Variants in ZNF184 observed in about 807,000 individuals in gnomAD.
The protein encoded by ZNF184 is zinc finger protein 184 (Kruppel-like).
ZNF184 carries 16 observed loss-of-function variants against 54.4 expected under a neutral mutation model. That is an observed-to-expected ratio of 0.29 (90% confidence interval 0.20 to 0.45). The LOEUF is 0.45. ZNF184 is among the 20% of genes least tolerant of loss of function. ZNF184 has a pLI of 1.00. For synonymous variants in ZNF184, 254 were observed against 295.3 expected, an observed-to-expected ratio of 0.86 and a Z score of 1.43; for missense variants, 681 against 888.2, an observed-to-expected ratio of 0.77 and a Z score of 2.97.
the ZNF184 span, among the ~76,000 whole-genome samples, chr6:27,445,633 T>C: frequency 6.6e-6 from 1 of 150,910 alleles, no homozygotes; most frequent in Non-Finnish European, 1.5e-5. Context: ...GTTGGTGCCA[T>C]GCATTTTGAC....
At chr6:27,441,894 C>G in the ZNF184 span, among the ~76,000 whole-genome samples, 1 of 152,172 alleles carries the variant, frequency 6.6e-6, no homozygotes, top group Non-Finnish European at 1.5e-5. Context: ...ACATTGCATT[C>G]TCTTTTCGTA....
intron 2 of ZNF184, among the ~76,000 whole-genome samples, chr6:27,469,646 CA>C (rs11352340): frequency 0.66 from 97,026 of 148,060 alleles, 31,631 homozygotes; most frequent in Middle Eastern, 0.76. Context: ...GTCTCAAAAA[CA>C]AAAAAAAAAA....
At chr6:27,422,162 AAG>A in the ZNF184 span, among the ~76,000 whole-genome samples, 2 of 37,502 alleles carry the variant, frequency 5.3e-5, no homozygotes, top group African/African-American at 7.8e-5. Flanking sequence ...GAAAGAAAGA[AAG>A]AAAGAAAGAA....
intron 3 of ZNF184, among the ~76,000 whole-genome samples, chr6:27,465,868 G>GAAC (rs34150378): frequency 0.65 from 98,822 of 151,654 alleles, 32,479 homozygotes; most frequent in Middle Eastern, 0.76. Flanking sequence ...TAAAAGACTT[G>GAAC]AACACTATCA....
rs201499940 is a variant in ZNF184 at position 27,451,392 on chromosome 6, C to T, written c.2167G>A (p.Glu723Lys). Residue 723 changes from glutamate to lysine, a missense_variant, in exon 6 of 6, where the codon GAG becomes AAG. Transcript: ENST00000683788. ...LIQHQRIHSGEKPFGCNDCGK... is the reference protein window; with the variant it reads ...LIQHQRIHSGKKPFGCNDCGK... ...CAATCATTACATCCAAAAGGCTTCT[C>T]TCCTGAATGAATTCTCTGGTGCTGA... 36 of 1,614,024 alleles carry T rather than the reference C, an allele frequency of 2.2e-5. No individual in the cohort carries two copies. The highest frequency in any genetic ancestry group is 1.6e-4 in the Middle Eastern group (1 of 6,080).
the ZNF184 span, among the ~76,000 whole-genome samples, chr6:27,409,448 G>A: frequency 7.2e-6 from 1 of 139,326 alleles, no homozygotes; most frequent in East Asian, 2.2e-4. Context: ...GCAGTGAGCC[G>A]AGATCGCACC....
intron 3 of ZNF184, among the ~76,000 whole-genome samples, chr6:27,458,295 TAAAAAAAA>T (rs55966783): frequency 3.2e-5 from 2 of 62,366 alleles, no homozygotes; most frequent in Non-Finnish European, 5.9e-5. Flanking sequence ...TTCTGCACAG[TAAAAAAAA>T]AAAAAAAAAA....
At chr6:27,440,961 C>T in the ZNF184 span, among the ~76,000 whole-genome samples, 3 of 151,754 alleles carry the variant, frequency 2.0e-5, no homozygotes, top group Admixed American at 6.6e-5. Flanking sequence ...GCCGAGATCG[C>T]GCCACTGCAC....
the ZNF184 span, among the ~76,000 whole-genome samples, chr6:27,443,151 G>A: frequency 1.3e-5 from 2 of 152,168 alleles, no homozygotes; most frequent in Admixed American, 1.3e-4. Context: ...ACCTCTTCTG[G>A]AACATTTCCT....
rs927061999 is a variant in ZNF184 at position 27,452,730 on chromosome 6, G to T, written c.829C>A (p.Pro277Thr). 10 of 1,613,894 alleles carry T rather than the reference G, an allele frequency of 6.2e-6. No individual in the cohort carries two copies. Among genetic ancestry groups the T allele is most frequent in the Admixed American group, 5.0e-5 (3 of 59,994 alleles). Residue 277 changes from proline (P) to threonine (T), a missense_variant, in exon 6 of 6, where the codon CCA (proline) becomes ACA (threonine). By Grantham distance (38) the Pro-to-Thr change is conservative (BLOSUM62 -1). Coordinates refer to ENST00000683788, the MANE Select transcript of ZNF184 (RefSeq NM_001318891.2). The surrounding 1 kb of genome is among the most constrained non-coding windows in gnomAD (Gnocchi z 5.5). ...TTTCCACACTGATCACATTTATATG[G>T]TTTATCTCCAGTATGAATTCTTTGA... is the stretch of plus-strand genomic sequence containing the variant. ...NHQRIHTGDK[P>T]YKCDQCGKGF...
the ZNF184 span, chr6:27,407,897 A>C: frequency 1.1e-6 from 1 of 919,154 alleles, no homozygotes; most frequent in Admixed American, 1.7e-5. Flanking sequence ...TAATGAGTGA[A>C]GATGAGCTGA....
chr6:27,412,568 C>T, the ZNF184 span, among the ~76,000 whole-genome samples: 20 of 152,208 alleles, frequency 1.3e-4, no homozygotes, highest in East Asian at 2.9e-3. Context: ...TAAATATTGA[C>T]GAAAAGAGTC....
At chr6:27,404,585 A>G in the ZNF184 span, 1 of 152,196 alleles carries the variant, frequency 6.6e-6, no homozygotes, top group Admixed American at 6.5e-5. Flanking sequence ...TCAATAATGG[A>G]CTGCAGAAAT....
chr6:27,455,715 T>TA (rs1334487315), intron 5 of ZNF184, among the ~76,000 whole-genome samples: 39 of 150,326 alleles, frequency 2.6e-4, no homozygotes, highest in East Asian at 3.9e-4. Context: ...ACTGCCTATT[T>TA]AAAAAAAAAA....
intron 2 of ZNF184, among the ~76,000 whole-genome samples, chr6:27,468,382 A>G (rs563324212): frequency 6.6e-6 from 1 of 152,322 alleles, no homozygotes; most frequent in African/African-American, 2.4e-5. Flanking sequence ...CATGGTCAAT[A>G]CTAATTGCTG....
At chr6:27,459,347 T>C (rs1762942228) in intron 3 of ZNF184, among the ~76,000 whole-genome samples, 1 of 151,764 alleles carries the variant, frequency 6.6e-6, no homozygotes, top group African/African-American at 2.4e-5. Flanking sequence ...CTGTATCCCA[T>C]GGATATGTAC....
the ZNF184 span, among the ~76,000 whole-genome samples, chr6:27,430,393 T>C: frequency 7.7e-6 from 1 of 129,992 alleles, no homozygotes; most frequent in Non-Finnish European, 1.6e-5. Flanking sequence ...GTGAATATTA[T>C]TTGTCAAAAA....
rs78724373 is a variant in ZNF184 at position 27,469,091 on chromosome 6, C to T, written c.8-1171G>A. On this transcript the variant is annotated intron_variant, in intron 2 of 5. Transcript: ENST00000683788. ...GGAAAGCCTGATTCTCAAAATGACT[C>T]GTCTGGTAATTAATTATGTATAATT... Among the ~76,000 whole-genome samples the T allele has an allele frequency of 6.4e-4, 98 of 152,256 alleles. 1 individual carries two copies. The highest frequency in any genetic ancestry group is 2.2e-3 in the African/African-American group (91 of 41,546).
the ZNF184 span, among the ~76,000 whole-genome samples, chr6:27,426,105 A>G: frequency 0.59 from 90,422 of 151,970 alleles, 27,244 homozygotes; most frequent in Middle Eastern, 0.75. The surrounding 1 kb of genome is among the most constrained non-coding windows in gnomAD (Gnocchi z 4.2). Flanking sequence ...ACCATCACCT[A>G]TACAACTCCT....
Sources: allele counts gnomAD v4.1 joint callset (sites outside exome capture counted in the v4.1 genomes callset), GRCh38; gene constraint gnomAD v4.1.1; non-coding constraint Gnocchi (gnomAD v3.1); transcripts MANE v1.5; gene names NCBI Gene and HGNC (gene_info 2026-07-23, HGNC 2026-07-21).